SLC25A46: variants seen among roughly 807,000 people sequenced by gnomAD.
The protein encoded by SLC25A46 is mitochondrial outer membrane protein SLC25A46.
SLC25A46 carries 39 observed loss-of-function variants against 44.6 expected under a neutral mutation model. That is an observed-to-expected ratio of 0.87 (90% CI 0.68 to 1.14). The LOEUF is 1.14. Among genes scored for constraint, SLC25A46 ranks in the 50% most tolerant of loss-of-function variants. The pLI is 0.00. For synonymous variants in SLC25A46, 202 were observed against 185.8 expected (o/e 1.09, Z -0.71); for missense variants, 547 against 522.7 (o/e 1.05, Z -0.45).
intron 7 of SLC25A46, 25 bp downstream of exon 7, chr5:110,756,784 T>G: frequency 2.0e-6 from 3 of 1,496,632 alleles, no homozygotes; most frequent in South Asian, 2.9e-5. Context: ...ACTGTCATTT[T>G]TTTTTTATTT....
Position 110,764,577 on chromosome 5 carries a change from C to A in SLC25A46, c.*2795C>A, listed in dbSNP as rs1423595898. On this transcript the variant is annotated 3_prime_UTR_variant, in exon 8 of 8. Coordinates refer to ENST00000355943, the MANE Select transcript of SLC25A46 (RefSeq NM_138773.4). The stretch of plus-strand genomic sequence containing the variant: ...CCACTCACAACTGTCTTTTTAGCAG[C>A]AGCTTTGTTAAAACTGCACAAAGCA... 3 of 151,896 alleles carry A rather than the reference C, an allele frequency of 2.0e-5. No individual in the cohort carries two copies. The highest frequency in any genetic ancestry group is 7.2e-5 in the African/African-American group (3 of 41,402). 9.4% of individuals were successfully genotyped at this position (151,896 alleles called of 1,614,324 possible).
At chr5:110,751,832 G>A (rs1305680168) in intron 5 of SLC25A46, among the ~76,000 whole-genome samples, 3 of 152,198 alleles carry the variant, frequency 2.0e-5, no homozygotes, top group Non-Finnish European at 2.9e-5. Context: ...AAGGCAGTAT[G>A]AAGAATGACT....
At chr5:110,759,540 G>T (rs548752847) in intron 7 of SLC25A46, among the ~76,000 whole-genome samples, 43 of 152,278 alleles carry the variant, frequency 2.8e-4, no homozygotes, top group African/African-American at 8.9e-4. Flanking sequence ...ACTGTGTCAT[G>T]TGTGTTGTAT....
chr5:110,761,576 G>A lies in SLC25A46; in HGVS notation c.1051G>A (p.Asp351Asn). The change falls in exon 8 of 8, where the codon GAC becomes AAC. Residue 351 changes from aspartate (D) to asparagine (N), a missense_variant. Coordinates refer to ENST00000355943, the MANE Select transcript of SLC25A46 (RefSeq NM_138773.4). This position sits in a 1 kb window ranked among gnomAD's most constrained non-coding sequence, Gnocchi z 5.3. ...LHIQGTRTII[D>N]NTDLGYEVLP... ...CATTCAAGGAACACGCACAATAATT[G>A]ACAATACAGACCTTGGCTATGAAGT... 1 of 1,613,662 alleles carries A rather than the reference G, an allele frequency of 6.2e-7. No homozygotes were observed. The highest frequency in any genetic ancestry group is 8.5e-7 in the Non-Finnish European group (1 of 1,179,778).
intron 3 of SLC25A46, among the ~76,000 whole-genome samples, chr5:110,744,798 G>A (rs145914771): frequency 2.3e-4 from 35 of 152,234 alleles, no homozygotes; most frequent in African/African-American, 7.2e-4. Context: ...ATGATGTTCC[G>A]TGAAAAAAGT....
intron 7 of SLC25A46, among the ~76,000 whole-genome samples, chr5:110,759,320 G>A (rs545038268): frequency 1.1e-4 from 16 of 152,290 alleles, no homozygotes; most frequent in African/African-American, 3.6e-4. Context: ...TGACATTTGT[G>A]TAAAGATCAA....
At chr5:110,745,388 G>A (rs1008090710) in intron 3 of SLC25A46, among the ~76,000 whole-genome samples, 2 of 151,982 alleles carry the variant, frequency 1.3e-5, no homozygotes, top group Non-Finnish European at 2.9e-5. Flanking sequence ...CGAGTAGCTG[G>A]GACTACAGGA....
At chr5:110,740,435 C>T (rs747512679) in intron 1 of SLC25A46, among the ~76,000 whole-genome samples, 19 of 152,054 alleles carry the variant, frequency 1.2e-4, no homozygotes, top group Non-Finnish European at 2.5e-4. Context: ...AGCTTTTTGA[C>T]TCTTCCCGGT....
chr5:110,746,304 A>G lies in SLC25A46; in HGVS notation c.420A>G (p.Pro140=), dbSNP rs1233020196. ...NYHAQHYHLT[P]FTVINIMYSF... ...ATGCTCAGCATTACCATCTCACTCC[A>G]TTTACAGTCATCAATATTATGTACA... The change falls in exon 4 of 8, where the codon CCA becomes CCG. Residue 140 remains proline, a synonymous_variant. Transcript: ENST00000355943. 1 of 1,591,398 alleles carries G rather than the reference A, an allele frequency of 6.3e-7. No individual in the cohort carries two copies. Among genetic ancestry groups the G allele is most frequent in the Non-Finnish European group, 8.5e-7 (1 of 1,172,600 alleles).
At chr5:110,738,291 A>T (rs918454580), upstream of SLC25A46, 6 of 1,263,482 alleles carry the variant, frequency 4.7e-6, no homozygotes, top group Admixed American at 1.5e-4. Context: ...TTATTCAATT[A>T]GAGGTCCCAA....
At chr5:110,746,107 T>G (rs1389957963) in intron 3 of SLC25A46, 162 bp from the exon 4 acceptor site, 1 of 595,494 alleles carries the variant, frequency 1.7e-6, no homozygotes, top group African/African-American at 1.9e-5. Flanking sequence ...TTTTAATAGG[T>G]TATTTAAAGC....
chr5:110,764,279 T>G lies in SLC25A46; in HGVS notation c.*2497T>G, dbSNP rs1489847868. ...AACTGGTAAATATTAATTTACTATG[T>G]AAAGTGAACTTACGAATTAACTTAC... On this transcript the variant is annotated 3_prime_UTR_variant, in exon 8 of 8. Transcript: ENST00000355943. The G allele has an allele frequency of 6.6e-6, 1 of 151,850 alleles. No individual in the cohort carries two copies. Among genetic ancestry groups the G allele is most frequent in the Non-Finnish European group, 1.5e-5 (1 of 67,868 alleles). 9.4% of individuals were successfully genotyped at this position (151,850 alleles called of 1,614,324 possible).
intron 4 of SLC25A46, among the ~76,000 whole-genome samples, chr5:110,747,505 C>A (rs1404508388): frequency 6.6e-6 from 1 of 151,954 alleles, no homozygotes; most frequent in African/African-American, 2.4e-5. Context: ...CCTATTGCTT[C>A]TTTTTAATTC....
Position 110,739,380 on chromosome 5 carries a change from C to A in SLC25A46, c.261C>A (p.Gly87=), listed in dbSNP as rs955762085. 3.2e-6 allele frequency: 5 copies of A among 1,548,780 alleles called. No homozygotes were observed. The highest frequency in any genetic ancestry group is 2.4e-5 in the East Asian group (1 of 41,796). Residue 87 remains glycine, a synonymous_variant, in exon 1 of 8, where the codon GGC becomes GGA. Coordinates refer to ENST00000355943, the MANE Select transcript of SLC25A46 (RefSeq NM_138773.4). The stretch of plus-strand genomic sequence containing the variant: ...AACCCTTTTCCAGTGGCGGCGGCGG[C>A]AGTGTGCAGGGGCAGAGCAGTGGTG... ...TEEPFSSGGG[G]SVQGQSSEQL...
Position 110,761,569 on chromosome 5 carries a change from A to C in SLC25A46, c.1044A>C (p.Thr348=). The change falls in exon 8 of 8, where the codon ACA becomes ACC. Residue 348 remains threonine (T), a synonymous_variant. Coordinates refer to ENST00000355943, the MANE Select transcript of SLC25A46 (RefSeq NM_138773.4). The surrounding 1 kb of genome is among the most constrained non-coding windows in gnomAD (Gnocchi z 5.3). ...LHRLHIQGTR[T]IIDNTDLGYE... ...GCCTTCACATTCAAGGAACACGCAC[A>C]ATAATTGACAATACAGACCTTGGCT... 1 of 1,613,834 alleles carries C rather than the reference A, an allele frequency of 6.2e-7. No homozygotes were observed. Among genetic ancestry groups the C allele is most frequent in the Non-Finnish European group, 8.5e-7 (1 of 1,179,808 alleles).
rs1167256450 is a variant in SLC25A46, at chr5:110,739,243, T to G, written c.124T>G (p.Trp42Gly). The change falls in exon 1 of 8, where the codon TGG (tryptophan) becomes GGG (glycine). Residue 42 changes from tryptophan to glycine, a missense_variant. Transcript: ENST00000355943. ...SFSTGSDLGH[W>G]VTTPPDIPGS... Reference sequence around the variant, plus strand: ...CAGCACCGGGTCGGACCTGGGCCACTGGGTGACGACTCCCCCAGATATCCC... The same window carrying G: ...CAGCACCGGGTCGGACCTGGGCCACGGGGTGACGACTCCCCCAGATATCCC... The G allele has an allele frequency of 1.3e-6, 2 of 1,582,470 alleles. No individual in the cohort carries two copies. Among genetic ancestry groups the G allele is most frequent in the Non-Finnish European group, 1.7e-6 (2 of 1,165,102 alleles).
In SLC25A46 at chr5:110,764,211, T is replaced by G. The variant is rs375631473; in HGVS notation, c.*2429T>G. ...CTTGTGATACACTTGCCTTACATTG[T>G]AGGGTTTCTTAATTTGAGTCAAGTA... On this transcript the variant is annotated 3_prime_UTR_variant, in exon 8 of 8. Coordinates refer to ENST00000355943, the MANE Select transcript of SLC25A46 (RefSeq NM_138773.4). 7.2e-5 allele frequency: 11 copies of G among 151,994 alleles called. No homozygotes were observed. The East Asian group carries it at 1.4e-3, about 19-fold the overall frequency. 9.4% of individuals were successfully genotyped at this position (151,994 alleles called of 1,614,324 possible).
chr5:110,738,917 C>A, upstream of SLC25A46: 3 of 1,383,064 alleles, frequency 2.2e-6, 1 homozygote, highest in South Asian at 4.6e-5. Flanking sequence ...CCGCGTCTCC[C>A]TAGCAACCGT....
rs146834378 is a variant in SLC25A46, at chr5:110,754,530, C to CTT, written c.564-926_564-925dup. 11 of 145,374 alleles carry CTT rather than the reference C, an allele frequency of 7.6e-5. No homozygotes were observed. In the South Asian group the frequency reaches 1.1e-3, roughly 14 times the overall value. The allele number at this position is 145,374 out of a possible 1,614,324, so 9.0% of individuals were successfully genotyped here. On this transcript the variant is annotated intron_variant, in intron 5 of 7. Transcript: ENST00000355943. ...CCCTCCCTCCCTTCCTTCTTTCTTT[C>CTT]TTTTTTTTTTCTTCCTTCCTTTTTT...
Sources: gnomAD v4.1 joint callset for allele counts (sites outside exome capture counted in the v4.1 genomes callset) on GRCh38, gnomAD v4.1.1 for gene constraint, Gnocchi (gnomAD v3.1) non-coding constraint, MANE v1.5 for transcripts, NCBI Gene and HGNC (gene_info 2026-07-23, HGNC 2026-07-21) for gene names.